ADAMTS5: variants seen among roughly 807,000 people sequenced by gnomAD.
The protein encoded by ADAMTS5 is ADAM metallopeptidase with thrombospondin type 1 motif 5.
In ADAMTS5, 54 loss-of-function variants were observed where a neutral mutation model predicts 81.4. The ratio of observed to expected loss-of-function variants is 0.66; its 90% CI spans 0.53 to 0.83. The LOEUF (loss-of-function observed/expected upper bound fraction) is 0.83. Among genes scored for constraint, ADAMTS5 ranks in the 40% least tolerant of loss-of-function variants. The pLI is 0.00. For missense variants in ADAMTS5, 1,194 were observed against 1,229.9 expected (o/e 0.97, Z 0.44); for synonymous variants, 532 against 508.8 (o/e 1.05, Z -0.61).
chr21:26,966,337 C>T lies in ADAMTS5; in HGVS notation c.55G>A (p.Ala19Thr). ...GCAGGTGTCGCGGCGGGGCCGACCGCGGCCAGGGGCAGGCGGAACGCGCAC... is the reference window on the plus strand; with the variant it reads ...GCAGGTGTCGCGGCGGGGCCGACCGTGGCCAGGGGCAGGCGGAACGCGCAC... ...LLCAFRLPLAAVGPAATPAQD... is the reference protein window; with the variant it reads ...LLCAFRLPLATVGPAATPAQD... The change falls in exon 1 of 8, where the codon GCG becomes ACG. Residue 19 changes from alanine to threonine, a missense_variant. Physicochemically the swap from Ala to Thr is moderately conservative, Grantham distance 58. This residue lies in a region of ADAMTS5 where 498 missense variants were observed against 412.3 expected (regional missense o/e 1.21). Transcript: ENST00000284987. 2 of 1,505,172 alleles carry T rather than the reference C, an allele frequency of 1.3e-6. No homozygotes were observed. The highest frequency in any genetic ancestry group is 1.8e-6 in the Non-Finnish European group (2 of 1,135,548). The allele number at this position is 1,505,172 out of a possible 1,614,324, so 93.2% of individuals were successfully genotyped here.
Position 26,965,844 on chromosome 21 carries a change from C to T in ADAMTS5, c.548G>A (p.Gly183Glu), listed in dbSNP as rs951365371. The change falls in exon 1 of 8, where the codon GGG becomes GAG. Residue 183 changes from glycine to glutamate, a missense_variant. Coordinates refer to ENST00000284987, the MANE Select transcript of ADAMTS5 (RefSeq NM_007038.5). Reference protein sequence around the residue: ...WAEEEKGRVYGDGSARILHVY... With the variant: ...WAEEEKGRVYEDGSARILHVY... ...GTGCAGGATCCGTGCGGACCCATCC[C>T]CGTACACGCGCCCCTTTTCTTCCTC... is the stretch of plus-strand genomic sequence containing the variant. The T allele has an allele frequency of 4.3e-6, 7 of 1,612,330 alleles. No homozygotes were observed. Among genetic ancestry groups the T allele is most frequent in the Non-Finnish European group, 5.9e-6 (7 of 1,179,516 alleles).
At chr21:26,929,419 A>C (rs949740829) in intron 7 of ADAMTS5, among the ~76,000 whole-genome samples, 4 of 152,232 alleles carry the variant, frequency 2.6e-5, no homozygotes, top group African/African-American at 9.6e-5. Flanking sequence ...AAACCAGGAT[A>C]CTTCACTGTT....
intron 2 of ADAMTS5, among the ~76,000 whole-genome samples, chr21:26,943,892 T>C (rs879375437): frequency 1.4e-4 from 21 of 152,188 alleles, no homozygotes; most frequent in Non-Finnish European, 5.9e-5. Flanking sequence ...TCACCACGTA[T>C]CATTTTGATT....
chr21:26,935,856 T>C (rs1268165214), intron 3 of ADAMTS5, among the ~76,000 whole-genome samples: 1 of 152,216 alleles, frequency 6.6e-6, no homozygotes, highest in Non-Finnish European at 1.5e-5. Flanking sequence ...TTTACTTTAT[T>C]TTAGGATTTA....
chr21:26,960,070 T>C (rs1386689335), intron 1 of ADAMTS5, among the ~76,000 whole-genome samples: 1 of 152,206 alleles, frequency 6.6e-6, no homozygotes, highest in Non-Finnish European at 1.5e-5. Context: ...ATCTCATGAA[T>C]ATTTTGGCCT....
chr21:26,924,648 G>T (rs201170415), intron 7 of ADAMTS5, 28 bp from the exon 8 acceptor site: 1 of 1,532,834 alleles, frequency 6.5e-7, no homozygotes, highest in South Asian at 1.3e-5. Context: ...CACAGGAAGT[G>T]GGGGAAGGTG....
intron 1 of ADAMTS5, among the ~76,000 whole-genome samples, chr21:26,962,642 CA>C (rs1987551098): frequency 6.6e-6 from 1 of 152,154 alleles, no homozygotes; most frequent in Non-Finnish European, 1.5e-5. Flanking sequence ...TAAATTTGAG[CA>C]GGACTCAGAG....
intron 2 of ADAMTS5, among the ~76,000 whole-genome samples, chr21:26,947,938 G>A (rs1467727607): frequency 6.6e-6 from 1 of 152,142 alleles, no homozygotes; most frequent in East Asian, 1.9e-4. Context: ...AAAGTCTATA[G>A]GACTGAGAGT....
rs568740067 is a variant in ADAMTS5, at chr21:26,963,605, C to A, written c.1104+1683G>T. On this transcript the variant is annotated intron_variant, in intron 1 of 7. Coordinates refer to ENST00000284987, the MANE Select transcript of ADAMTS5 (RefSeq NM_007038.5). ...TTCTTGGCATCCTCTTGTGATGTAG[C>A]AGAGCAAGGAACCCCAGACACGGAA... Among the ~76,000 whole-genome samples the A allele has an allele frequency of 6.1e-5, 7 of 114,734 alleles. No homozygotes were observed. The East Asian group carries it at 2.2e-3, about 35-fold the overall frequency. 75.3% of individuals were successfully genotyped at this position (114,734 alleles called of 152,430 possible).
Position 26,934,633 on chromosome 21 carries a change from A to G in ADAMTS5, c.1522T>C (p.Cys508Arg). The change falls in exon 4 of 8, where the codon TGT (cysteine) becomes CGT (arginine). Residue 508 changes from cysteine (C) to arginine (R), a missense_variant. Cys to Arg is a radical substitution (Grantham distance 180, BLOSUM62 -3). Transcript: ENST00000284987. ...NLTFGPEYSV[C>R]PGMDVCARLW... The stretch of plus-strand genomic sequence containing the variant: ...CGAGCACAGACATCCATGCCGGGAC[A>G]CACGGAGTACTCAGGCCCGAATGTC... 2 of 1,614,174 alleles carry G rather than the reference A, an allele frequency of 1.2e-6. No individual in the cohort carries two copies. Among genetic ancestry groups the G allele is most frequent in the Non-Finnish European group, 1.7e-6 (2 of 1,180,028 alleles).
intron 2 of ADAMTS5, among the ~76,000 whole-genome samples, chr21:26,945,312 T>C (rs1345344274): frequency 6.6e-6 from 1 of 152,186 alleles, no homozygotes; most frequent in African/African-American, 2.4e-5. Context: ...AATTTCACTC[T>C]TGAGTTTTTT....
chr21:26,965,305 T>C lies in ADAMTS5; in HGVS notation c.1087A>G (p.Ile363Val). The C allele has an allele frequency of 6.2e-7, 1 of 1,613,462 alleles. No individual in the cohort carries two copies. The highest frequency in any genetic ancestry group is 8.5e-7 in the Non-Finnish European group (1 of 1,179,510). ...DDHEEHYDAAILFTREDLCGH... is the reference protein window; with the variant it reads ...DDHEEHYDAAVLFTREDLCGH... The stretch of plus-strand genomic sequence containing the variant: ...GGACCTACCTCCCGAGTAAACAGGA[T>C]AGCTGCATCGTAGTGCTCCTCATGG... Residue 363 changes from isoleucine (I) to valine (V), a missense_variant, in exon 1 of 8, where the codon ATC becomes GTC. Around this residue, in one of 2 missense-constraint regions of ADAMTS5, gnomAD observed 696 missense variants for 817.6 expected, o/e 0.85. Coordinates refer to ENST00000284987, the MANE Select transcript of ADAMTS5 (RefSeq NM_007038.5).
intron 3 of ADAMTS5, among the ~76,000 whole-genome samples, chr21:26,941,157 A>G (rs1331299475): frequency 6.6e-6 from 1 of 152,138 alleles, no homozygotes; most frequent in Non-Finnish European, 1.5e-5. Flanking sequence ...AGGCTGCCTA[A>G]CCAAACCAAG....
intron 3 of ADAMTS5, among the ~76,000 whole-genome samples, chr21:26,938,696 A>G (rs1330470968): frequency 6.6e-6 from 1 of 151,896 alleles, no homozygotes; most frequent in Non-Finnish European, 1.5e-5. Flanking sequence ...TGCCCAACTG[A>G]TTTTTGTATT....
Position 26,920,891 on chromosome 21 carries a change from A to C in ADAMTS5, c.*3162T>G, listed in dbSNP as rs147560246. 6.6e-6 allele frequency: 1 copy of C among 152,452 alleles called. No homozygotes were observed. Among genetic ancestry groups the C allele is most frequent in the African/African-American group, 2.4e-5 (1 of 41,440 alleles). The allele number at this position is 152,452 out of a possible 1,614,324, so 9.4% of individuals were successfully genotyped here. ...AAAATGATAGTATCAGAATAAGAAT[A>C]CATGAGGAATATATACATATACACC... is the stretch of plus-strand genomic sequence containing the variant. On this transcript the variant is annotated 3_prime_UTR_variant, in exon 8 of 8. Coordinates refer to ENST00000284987, the MANE Select transcript of ADAMTS5 (RefSeq NM_007038.5).
At chr21:26,949,815 G>C (rs980854566) in intron 2 of ADAMTS5, among the ~76,000 whole-genome samples, 2 of 152,140 alleles carry the variant, frequency 1.3e-5, no homozygotes, top group African/African-American at 4.8e-5. Context: ...ATGGGTTTGC[G>C]GGAAAATATC....
At position 26,965,947 on chromosome 21, in the gene ADAMTS5, A is replaced by G. The variant is rs530767250; in HGVS notation, c.445T>C (p.Cys149Arg). Residue 149 changes from cysteine to arginine, a missense_variant, in exon 1 of 8, where the codon TGT (cysteine) becomes CGT (arginine). Around this residue, in one of 2 missense-constraint regions of ADAMTS5, gnomAD observed 498 missense variants for 412.3 expected, o/e 1.21. Transcript: ENST00000284987. ...GCGAAGAAGCCGTCGAGACCCCCAC[A>G]GAGGTCAAAGACAGCCAGAGAGCGG... ...SPRSLAVFDL[C>R]GGLDGFFAVK... 2.5e-6 allele frequency: 4 copies of G among 1,613,662 alleles called. No homozygotes were observed. The highest frequency in any genetic ancestry group is 4.5e-5 in the East Asian group (2 of 44,848).
In ADAMTS5 at chr21:26,945,841, A is replaced by T. The variant is rs536203234; in HGVS notation, c.1238-2294T>A. On this transcript the variant is annotated intron_variant, in intron 2 of 7. Coordinates refer to ENST00000284987, the MANE Select transcript of ADAMTS5 (RefSeq NM_007038.5). The stretch of plus-strand genomic sequence containing the variant: ...CATAGAGGAAATTGCACTGCGAAAG[A>T]CTGCCTTTCAAGCATGAACAAATCT... 3.3e-5 allele frequency among the ~76,000 whole-genome samples: 5 copies of T among 152,338 alleles called. No individual in the cohort carries two copies. The South Asian group carries it at 8.3e-4, about 25-fold the overall frequency.
At chr21:26,961,882 C>A (rs1240185060) in intron 1 of ADAMTS5, among the ~76,000 whole-genome samples, 1 of 152,152 alleles carries the variant, frequency 6.6e-6, no homozygotes, top group Admixed American at 6.5e-5. Context: ...TCTGGTCTTC[C>A]TCTACTGCCC....
Sources: gnomAD v4.1 joint callset for allele counts (sites outside exome capture counted in the v4.1 genomes callset) on GRCh38, gnomAD v4.1.1 for gene constraint, gnomAD v4.1.1 regional missense constraint, MANE v1.5 for transcripts, NCBI Gene and HGNC (gene_info 2026-07-23, HGNC 2026-07-21) for gene names.